Variants in ZMYND11 observed in about 807,000 individuals in gnomAD.
ZMYND11 encodes zinc finger MYND domain-containing protein 11.
In ZMYND11, 9 loss-of-function variants were observed where a neutral mutation model predicts 84.9. That is an observed-to-expected ratio of 0.11 (90% CI 0.06 to 0.18). The LOEUF (loss-of-function observed/expected upper bound fraction) is 0.18. Among genes scored for constraint, ZMYND11 ranks in the 10% least tolerant of loss-of-function variants. The probability of loss-of-function intolerance (pLI) is 1.00; values close to 1 mark genes in which losing one functional copy is unlikely to be tolerated. For synonymous variants in ZMYND11, 250 were observed against 244.1 expected (o/e 1.02, Z -0.23); for missense variants, 409 against 761.0 (o/e 0.54, Z 5.44).
chr10:136,320 GA>G (rs1259668082), intron 1 of ZMYND11, among the ~76,000 whole-genome samples: 1 of 152,218 alleles, frequency 6.6e-6, no homozygotes, highest in African/African-American at 2.4e-5. Flanking sequence ...AGGAGCTGGC[GA>G]TGTGTGCGCC....
chr10:201,214 C>T (rs1943080331), intron 2 of ZMYND11, among the ~76,000 whole-genome samples: 1 of 152,052 alleles, frequency 6.6e-6, no homozygotes, highest in Non-Finnish European at 1.5e-5. Context: ...ATCCAGATTA[C>T]CTAGAATACA....
intron 4 of ZMYND11, among the ~76,000 whole-genome samples, chr10:235,697 T>C (rs1949834317): frequency 6.6e-6 from 1 of 152,140 alleles, no homozygotes; most frequent in Non-Finnish European, 1.5e-5. Flanking sequence ...GGAGCAGCTG[T>C]GGGCACAGGC....
intron 1 of ZMYND11, among the ~76,000 whole-genome samples, chr10:136,893 C>T (rs1195945428): frequency 1.3e-5 from 2 of 152,012 alleles, no homozygotes; most frequent in African/African-American, 4.8e-5. Flanking sequence ...CTGCCATATG[C>T]GGTGTGTATG....
At chr10:248,758 G>A in intron 13 of ZMYND11, 145 bp from the exon 14 acceptor site, 1 of 1,388,774 alleles carries the variant, frequency 7.2e-7, no homozygotes, top group South Asian at 1.5e-5. Context: ...AAGTAATAAT[G>A]ATACTTTCCT....
chr10:130,925 G>A (rs987810827), upstream of ZMYND11, among the ~76,000 whole-genome samples: 12 of 152,110 alleles, frequency 7.9e-5, no homozygotes, highest in Admixed American at 3.9e-4. Flanking sequence ...CGAGACCAGC[G>A]TAAGCAACAT....
intron 1 of ZMYND11, among the ~76,000 whole-genome samples, chr10:151,491 A>G (rs1163242114): frequency 3.3e-5 from 5 of 152,210 alleles, no homozygotes; most frequent in Non-Finnish European, 5.9e-5. Flanking sequence ...TGAATGAAAT[A>G]AATCCACAAG....
chr10:239,386 A>G (rs991850139), intron 6 of ZMYND11, 52 bp from the exon 7 acceptor site: 9 of 1,457,930 alleles, frequency 6.2e-6, no homozygotes, highest in Non-Finnish European at 8.6e-6. Flanking sequence ...TAGTCCAGAC[A>G]AGTATTTTTA....
intron 1 of ZMYND11, among the ~76,000 whole-genome samples, chr10:152,288 G>A (rs923007397): frequency 1.2e-4 from 18 of 152,060 alleles, no homozygotes; most frequent in South Asian, 6.2e-4. Flanking sequence ...ATAAAGAGTC[G>A]AGACCCATCA....
intron 3 of ZMYND11, among the ~76,000 whole-genome samples, chr10:211,556 T>C (rs1247977193): frequency 6.6e-6 from 1 of 152,172 alleles, no homozygotes; most frequent in African/African-American, 2.4e-5. Context: ...GGAGGTGGTT[T>C]ATAGCAACAG....
intron 1 of ZMYND11, among the ~76,000 whole-genome samples, chr10:141,878 A>G (rs1413265906): frequency 6.6e-6 from 1 of 152,248 alleles, no homozygotes; most frequent in Non-Finnish European, 1.5e-5. Context: ...AAAAATTCAA[A>G]GGATTTCTGT....
chr10:216,234 A>G (rs1946176564), intron 3 of ZMYND11, among the ~76,000 whole-genome samples: 1 of 152,206 alleles, frequency 6.6e-6, no homozygotes, highest in African/African-American at 2.4e-5. Context: ...TCTTGAGGAA[A>G]ATATTAAGTG....
At chr10:179,486 T>A (rs1847377347) in intron 1 of ZMYND11, among the ~76,000 whole-genome samples, 1 of 152,222 alleles carries the variant, frequency 6.6e-6, no homozygotes, top group South Asian at 2.1e-4. Context: ...ATTCCAGGAG[T>A]AACTTTCTTA....
chr10:158,991 G>GTTTTTTTT (rs71374342), intron 1 of ZMYND11, among the ~76,000 whole-genome samples: 71 of 58,508 alleles, frequency 1.2e-3, no homozygotes, highest in Non-Finnish European at 1.5e-3. Flanking sequence ...TTTGTTTTTT[G>GTTTTTTTT]TTTTTTTTTT....
chr10:133,462 T>C (rs1394965410), upstream of ZMYND11, among the ~76,000 whole-genome samples: 1 of 152,154 alleles, frequency 6.6e-6, no homozygotes, highest in Non-Finnish European at 1.5e-5. Context: ...TAACTTACAT[T>C]AGGTTGAATG....
intron 12 of ZMYND11, 132 bp from the exon 13 acceptor site, chr10:248,204 C>T (rs1952575084): frequency 1.6e-5 from 19 of 1,182,484 alleles, no homozygotes; most frequent in South Asian, 9.6e-5. Context: ...ACCACCCTAA[C>T]TACATTTTTC....
intron 1 of ZMYND11, among the ~76,000 whole-genome samples, chr10:166,768 A>G (rs890479477): frequency 1.3e-5 from 2 of 152,156 alleles, no homozygotes; most frequent in African/African-American, 4.8e-5. Flanking sequence ...AATTGAAGGC[A>G]GACCCAAGCA....
chr10:217,007 A>C (rs1016867690), intron 3 of ZMYND11, among the ~76,000 whole-genome samples: 1 of 152,234 alleles, frequency 6.6e-6, no homozygotes, highest in Non-Finnish European at 1.5e-5. Flanking sequence ...ATCTACATTA[A>C]AATGCTATCT....
rs1413512916 is a variant in ZMYND11, at chr10:252,325, C to T, written c.1687-23C>T. On this transcript the variant is annotated intron_variant, in intron 14 of 14. Transcript: ENST00000381604. The surrounding 1 kb of genome is among the most constrained non-coding windows in gnomAD (Gnocchi z 4.6). ...ACACATCCACACCCAAGTCTAAAGACTGCCCCGATTTCTTACCTGCAGTGC... is the reference window on the plus strand; with the variant it reads ...ACACATCCACACCCAAGTCTAAAGATTGCCCCGATTTCTTACCTGCAGTGC... The T allele has an allele frequency of 6.2e-7, 1 of 1,612,858 alleles. No individual in the cohort carries two copies. Among genetic ancestry groups the T allele is most frequent in the East Asian group, 2.2e-5 (1 of 44,808 alleles).
At position 237,604 on chromosome 10, in the gene ZMYND11, A is replaced by G. The variant is rs757896302; in HGVS notation, c.536A>G (p.Lys179Arg). Residue 179 changes from lysine to arginine, a missense_variant, in exon 6 of 15, where the codon AAG (lysine) becomes AGG (arginine). Coordinates refer to ENST00000381604, the MANE Select transcript of ZMYND11 (RefSeq NM_001370100.5). Reference sequence around the variant, plus strand: ...TCTTAGGCTATAGATCTTAATAAAAAGGGGAAGGACAATAAACACCCGATG... The same window carrying G: ...TCTTAGGCTATAGATCTTAATAAAAGGGGGAAGGACAATAAACACCCGATG... ...MKERAIDLNK[K>R]GKDNKHPMYR... is the part of the protein sequence containing the mutation. 1.9e-6 allele frequency: 3 copies of G among 1,612,496 alleles called. No homozygotes were observed. The highest frequency in any genetic ancestry group is 2.2e-5 in the South Asian group (2 of 90,750).
Sources: gnomAD v4.1 joint callset for allele counts (sites outside exome capture counted in the v4.1 genomes callset) on GRCh38, gnomAD v4.1.1 for gene constraint, Gnocchi (gnomAD v3.1) non-coding constraint, MANE v1.5 for transcripts, NCBI Gene and HGNC (gene_info 2026-07-23, HGNC 2026-07-21) for gene names.